The following FRMD4A variants were observed in gnomAD, a reference collection of about 807,000 sequenced individuals.
FRMD4A encodes FERM domain containing 4A.
FRMD4A carries 29 observed loss-of-function variants against 129.1 expected under a neutral mutation model. That is an observed-to-expected ratio of 0.22 (90% CI 0.17 to 0.31). The LOEUF (loss-of-function observed/expected upper bound fraction) is 0.31, where lower values mean the gene tolerates loss of function less well. FRMD4A is among the 10% of genes least tolerant of loss of function. FRMD4A has a pLI of 1.00. For missense variants in FRMD4A, 1,272 were observed against 1,375.8 expected, an observed-to-expected ratio of 0.92 and a Z score of 1.19; for synonymous variants, 634 against 571.6, an observed-to-expected ratio of 1.11 and a Z score of -1.56.
rs1843490623 is a variant in FRMD4A, at chr10:14,330,867, C to G, written c.-352G>C. The G allele has an allele frequency of 2.5e-6, 1 of 398,588 alleles. No homozygotes were observed. Among genetic ancestry groups the G allele is most frequent in the Admixed American group, 4.4e-5 (1 of 22,724 alleles). The allele number at this position is 398,588 out of a possible 1,614,324, so 24.7% of individuals were successfully genotyped here. ...TTAAGAGGAACATGGAATTGCACTG[C>G]CTGTTCTGTGAGCGTTCTGATCTCC... On this transcript the variant is annotated 5_prime_UTR_variant, in exon 1 of 25. Transcript: ENST00000357447.
intron 18 of FRMD4A, 69 bp downstream of exon 18, chr10:13,666,028 G>C: frequency 1.2e-6 from 1 of 869,196 alleles, no homozygotes; most frequent in Non-Finnish European, 2.0e-6. Flanking sequence ...GACCACTCGT[G>C]GGACCTGGCG....
intron 2 of FRMD4A, among the ~76,000 whole-genome samples, chr10:14,016,938 T>C (rs1588781821): frequency 6.6e-6 from 1 of 152,248 alleles, no homozygotes; most frequent in African/African-American, 2.4e-5. Flanking sequence ...TTGCAGGCTG[T>C]TCAGCTCGTC....
intron 2 of FRMD4A, among the ~76,000 whole-genome samples, chr10:14,072,240 G>A (rs772976990): frequency 3.3e-5 from 5 of 152,092 alleles, no homozygotes; most frequent in Non-Finnish European, 7.4e-5. Flanking sequence ...TTAGGGTCAC[G>A]GAGATGCTCG....
intron 2 of FRMD4A, among the ~76,000 whole-genome samples, chr10:13,927,191 A>G (rs372815475): frequency 6.6e-6 from 1 of 151,898 alleles, no homozygotes; most frequent in East Asian, 1.9e-4. Flanking sequence ...CGGGAGGCAG[A>G]GGTTGGAGCT....
At chr10:14,230,394 C>T (rs1188980755) in intron 2 of FRMD4A, among the ~76,000 whole-genome samples, 1 of 152,166 alleles carries the variant, frequency 6.6e-6, no homozygotes, top group African/African-American at 2.4e-5. Context: ...CTAGGGTTCA[C>T]TTTGCCTGTT....
chr10:13,899,227 C>T (rs1016511674), intron 2 of FRMD4A, among the ~76,000 whole-genome samples: 2 of 152,136 alleles, frequency 1.3e-5, no homozygotes, highest in African/African-American at 2.4e-5. Flanking sequence ...GGGTTCAACA[C>T]ATATTGTTTC....
intron 5 of FRMD4A, among the ~76,000 whole-genome samples, 157 bp from the exon 6 acceptor site, chr10:13,783,163 G>A (rs2092777104): frequency 6.6e-6 from 1 of 152,180 alleles, no homozygotes; most frequent in Admixed American, 6.5e-5. Flanking sequence ...GATTCCCTAG[G>A]GAGGACAAAC....
intron 2 of FRMD4A, among the ~76,000 whole-genome samples, chr10:14,101,788 C>T (rs1837318722): frequency 6.8e-6 from 1 of 148,086 alleles, no homozygotes; most frequent in Non-Finnish European, 1.5e-5. Flanking sequence ...ACACATCTCT[C>T]CTTCTGAATA....
At chr10:13,775,764 T>C (rs149242219) in intron 6 of FRMD4A, among the ~76,000 whole-genome samples, 1,656 of 152,148 alleles carry the variant, frequency 0.011, 21 homozygotes, top group South Asian at 0.038. Context: ...ACAACAGCAG[T>C]AGCAGCTGCC....
At chr10:14,202,702 C>T (rs1406761553) in intron 2 of FRMD4A, among the ~76,000 whole-genome samples, 2 of 152,152 alleles carry the variant, frequency 1.3e-5, no homozygotes, top group Non-Finnish European at 2.9e-5. Flanking sequence ...CGACTGGCTA[C>T]ACCTGGTTAG....
chr10:13,741,136 T>C (rs1399322645), intron 9 of FRMD4A, among the ~76,000 whole-genome samples: 2 of 152,108 alleles, frequency 1.3e-5, no homozygotes, highest in Admixed American at 6.5e-5. Flanking sequence ...TTATCTTGGA[T>C]TTCTAATCAA....
chr10:14,007,164 T>C (rs2095665071), intron 2 of FRMD4A: 1 of 152,196 alleles, frequency 6.6e-6, no homozygotes, highest in South Asian at 2.1e-4. Flanking sequence ...GAGAGCTTCA[T>C]GTGATGCTAT....
chr10:13,755,034 A>G (rs1205973286), intron 8 of FRMD4A, among the ~76,000 whole-genome samples: 2 of 152,244 alleles, frequency 1.3e-5, no homozygotes, highest in African/African-American at 2.4e-5. Context: ...TGATATTGGT[A>G]TACTAGGAAT....
At chr10:13,824,319 TACAAAAAAAA>T in intron 3 of FRMD4A, among the ~76,000 whole-genome samples, 1 of 8,600 alleles carries the variant, frequency 1.2e-4, no homozygotes, top group South Asian at 5.6e-3. Flanking sequence ...GTACTAAAAA[TACAAAAAAAA>T]AAAAAAAAAA....
At chr10:13,654,589 C>G (rs867505507) in intron 22 of FRMD4A, 77 bp from the exon 23 acceptor site, 1 of 886,198 alleles carries the variant, frequency 1.1e-6, no homozygotes, top group South Asian at 1.5e-5. Flanking sequence ...GACTTGTTGG[C>G]TGACACCAAC....
At chr10:13,957,342 C>T (rs1312588083) in intron 2 of FRMD4A, among the ~76,000 whole-genome samples, 1 of 152,166 alleles carries the variant, frequency 6.6e-6, no homozygotes, top group Non-Finnish European at 1.5e-5. Context: ...CAATCTCTGC[C>T]TCCCGGGTTC....
At position 13,689,198 on chromosome 10, in the gene FRMD4A, C is replaced by CGGGGGGGTGGGGGGGGGGGGGGGGGGGG. The variant is rs2085398998; in HGVS notation, c.1117+4699_1117+4700insCCCCCCCCCCCCCCCCCCCCACCCCCCC. ...CAATGAGCAGTACACAAACTCTTTG[C>CGGGGGGGTGGGGGGGGGGGGGGGGGGGG]GGGGGGGGGGGGGGGGGGGGGGAGG... On this transcript the variant is annotated intron_variant, in intron 15 of 24. Transcript: ENST00000357447. 2.9e-5 allele frequency among the ~76,000 whole-genome samples: 2 copies of CGGGGGGGTGGGGGGGGGGGGGGGGGGGG among 68,026 alleles called. 1 individual carries two copies. The allele number at this position is 68,026 out of a possible 152,430, so 44.6% of individuals were successfully genotyped here.
intron 2 of FRMD4A, among the ~76,000 whole-genome samples, chr10:14,099,321 A>G (rs1471626015): frequency 6.6e-6 from 1 of 151,562 alleles, no homozygotes; most frequent in Non-Finnish European, 1.5e-5. Flanking sequence ...GCAGAGTTAG[A>G]AAAGAGATGA....
intron 2 of FRMD4A, among the ~76,000 whole-genome samples, chr10:14,254,863 T>C (rs952599436): frequency 1.3e-4 from 20 of 152,132 alleles, no homozygotes; most frequent in Non-Finnish European, 2.2e-4. Context: ...GAAGAGCTTG[T>C]ACAAATGTTC....
Sources: gnomAD v4.1 joint callset for allele counts (sites outside exome capture counted in the v4.1 genomes callset) on GRCh38, gnomAD v4.1.1 for gene constraint, MANE v1.5 for transcripts, NCBI Gene and HGNC (gene_info 2026-07-23, HGNC 2026-07-21) for gene names.